Variants in ZNF277 observed in about 807,000 individuals in gnomAD.
The protein encoded by ZNF277 is nuclear receptor-interacting factor 4.
A neutral mutation model predicts 60.7 loss-of-function variants in ZNF277; 55 were observed. That is an observed-to-expected ratio of 0.91 (90% confidence interval 0.73 to 1.13). ZNF277 has a LOEUF of 1.13. Among genes scored for constraint, ZNF277 ranks in the 50% most tolerant of loss-of-function variants. ZNF277 has a pLI of 0.00. For synonymous variants in ZNF277, 178 were observed against 179.3 expected, an observed-to-expected ratio of 0.99 and a Z score of 0.06; for missense variants, 510 against 523.0, an observed-to-expected ratio of 0.98 and a Z score of 0.24.
chr7:112,234,891 C>A (rs1213205616), intron 1 of ZNF277, among the ~76,000 whole-genome samples: 3 of 151,574 alleles, frequency 2.0e-5, no homozygotes. Flanking sequence ...ATTTTTATAA[C>A]CAGTTTGTCC....
rs377029168 is a variant in ZNF277 at position 112,330,106 on chromosome 7, A to G, written c.691A>G (p.Lys231Glu). ...TAGTTTGCAGTGCTTGTACTGTGAG[A>G]AGACCTTCAGGGACAAAAATACACT... Reference protein sequence around the residue: ...LDNLQCLYCEKTFRDKNTLKD... With the variant: ...LDNLQCLYCEETFRDKNTLKD... Residue 231 changes from lysine (K) to glutamate (E), a missense_variant, in exon 7 of 12, where the codon AAG becomes GAG. By Grantham distance (56) the Lys-to-Glu change is moderately conservative (BLOSUM62 1). Transcript: ENST00000361822. 3.1e-6 allele frequency: 5 copies of G among 1,613,348 alleles called. No homozygotes were observed. Among genetic ancestry groups the G allele is most frequent in the Non-Finnish European group, 4.2e-6 (5 of 1,179,796 alleles).
chr7:112,251,472 T>G (rs768702214), intron 1 of ZNF277, among the ~76,000 whole-genome samples: 1 of 152,248 alleles, frequency 6.6e-6, no homozygotes, highest in Non-Finnish European at 1.5e-5. Context: ...TGTTACTCAG[T>G]CAAATGAAAT....
At chr7:112,282,548 C>T (rs1353408449) in intron 1 of ZNF277, among the ~76,000 whole-genome samples, 1 of 152,236 alleles carries the variant, frequency 6.6e-6, no homozygotes, top group Non-Finnish European at 1.5e-5. Flanking sequence ...CTCCCTGTAG[C>T]CAGTCAGTAA....
intron 5 of ZNF277, 54 bp downstream of exon 5, chr7:112,318,327 G>A (rs4727766): frequency 0.28 from 410,680 of 1,471,910 alleles, 67,381 homozygotes; most frequent in African/African-American, 0.72. Flanking sequence ...AAACTCATCA[G>A]AACATCCCTA....
intron 4 of ZNF277, among the ~76,000 whole-genome samples, chr7:112,307,662 G>T (rs1456003940): frequency 2.0e-5 from 3 of 151,722 alleles, no homozygotes; most frequent in African/African-American, 7.3e-5. Context: ...TGATCCACCC[G>T]CCTCAACCTC....
intron 1 of ZNF277, among the ~76,000 whole-genome samples, chr7:112,271,411 T>C (rs1441290296): frequency 6.6e-6 from 1 of 152,204 alleles, no homozygotes; most frequent in Non-Finnish European, 1.5e-5. Context: ...TGTTACATCA[T>C]GGAGATGGGA....
chr7:112,210,059 A>G (rs1821696134), intron 1 of ZNF277, among the ~76,000 whole-genome samples: 1 of 152,168 alleles, frequency 6.6e-6, no homozygotes, highest in Non-Finnish European at 1.5e-5. Context: ...TGACGAGTTA[A>G]TGGGTGCAGC....
At chr7:112,218,548 G>A (rs1287493731) in intron 1 of ZNF277, among the ~76,000 whole-genome samples, 2 of 152,080 alleles carry the variant, frequency 1.3e-5, no homozygotes, top group Admixed American at 6.5e-5. Flanking sequence ...TAGTTACCCT[G>A]TTGTACAGCA....
intron 1 of ZNF277, among the ~76,000 whole-genome samples, chr7:112,207,658 C>T (rs748888371): frequency 6.6e-6 from 1 of 152,116 alleles, no homozygotes; most frequent in Non-Finnish European, 1.5e-5. Context: ...CCCCCCACCC[C>T]ATTTTTGTCT....
intron 5 of ZNF277, among the ~76,000 whole-genome samples, chr7:112,326,340 C>A (rs1793092604): frequency 1.3e-5 from 2 of 151,782 alleles, no homozygotes; most frequent in Non-Finnish European, 2.9e-5. Flanking sequence ...ATAGGGGGAA[C>A]TTTCTTACCC....
chr7:112,214,879 T>C (rs897937391), intron 1 of ZNF277, among the ~76,000 whole-genome samples: 2 of 152,168 alleles, frequency 1.3e-5, no homozygotes, highest in African/African-American at 4.8e-5. Context: ...AAGACCTGGA[T>C]TCTGAATCTG....
At chr7:112,246,411 C>G (rs373205814) in intron 1 of ZNF277, among the ~76,000 whole-genome samples, 2 of 152,004 alleles carry the variant, frequency 1.3e-5, no homozygotes, top group East Asian at 3.9e-4. Flanking sequence ...ACAAACAAAA[C>G]AAAACCCAAC....
Position 112,328,991 on chromosome 7 carries a change from A to G in ZNF277, c.669-1093A>G, listed in dbSNP as rs910119199. On this transcript the variant is annotated intron_variant, in intron 6 of 11. Coordinates refer to ENST00000361822, the MANE Select transcript of ZNF277 (RefSeq NM_021994.3). Reference sequence around the variant, plus strand: ...TCGAGTCCCTTCACCCTTTTGTTAAACGACTACCTATAAAATAAGACCAGA... The same window carrying G: ...TCGAGTCCCTTCACCCTTTTGTTAAGCGACTACCTATAAAATAAGACCAGA... Among the ~76,000 whole-genome samples, 14 of 152,316 alleles carry G rather than the reference A, an allele frequency of 9.2e-5. 1 individual carries two copies. Among genetic ancestry groups the G allele is most frequent in the Middle Eastern group, 3.4e-3 (1 of 294 alleles).
At chr7:112,318,333 C>A in intron 5 of ZNF277, 60 bp downstream of exon 5, 3 of 1,408,120 alleles carry the variant, frequency 2.1e-6, no homozygotes, top group Non-Finnish European at 3.0e-6. Flanking sequence ...ATCAGAACAT[C>A]CCTAACTGTT....
chr7:112,214,613 G>A (rs1381563638), intron 1 of ZNF277, among the ~76,000 whole-genome samples: 1 of 152,108 alleles, frequency 6.6e-6, no homozygotes. Flanking sequence ...AGGCAGCTGG[G>A]GTTGAATGAT....
At chr7:112,336,566 A>G (rs950543008) in intron 8 of ZNF277, among the ~76,000 whole-genome samples, 6 of 152,180 alleles carry the variant, frequency 3.9e-5, no homozygotes, top group African/African-American at 1.4e-4. Flanking sequence ...CGGGCCATTG[A>G]TGACTAACTT....
chr7:112,272,885 T>A (rs1211602341), intron 1 of ZNF277, among the ~76,000 whole-genome samples: 1 of 152,242 alleles, frequency 6.6e-6, no homozygotes, highest in Non-Finnish European at 1.5e-5. Context: ...GGATTCCCTT[T>A]TCTACACATT....
chr7:112,338,869 C>A (rs560954416), intron 9 of ZNF277, among the ~76,000 whole-genome samples: 1 of 152,198 alleles, frequency 6.6e-6, no homozygotes, highest in Non-Finnish European at 1.5e-5. Flanking sequence ...TCAGTGATAA[C>A]ATCACGAATT....
At chr7:112,342,538 T>C in intron 11 of ZNF277, 23 bp from the exon 12 acceptor site, 1 of 1,577,382 alleles carries the variant, frequency 6.3e-7, no homozygotes, top group African/African-American at 1.4e-5. Flanking sequence ...AATTTAATAC[T>C]ATGTATCTGT....
Sources: allele counts gnomAD v4.1 joint callset (sites outside exome capture counted in the v4.1 genomes callset), GRCh38; gene constraint gnomAD v4.1.1; transcripts MANE v1.5; gene names NCBI Gene and HGNC (gene_info 2026-07-23, HGNC 2026-07-21).